The following GLIPR1 variants were observed in gnomAD, a reference collection of about 807,000 sequenced individuals.
GLIPR1 encodes the protein GLI pathogenesis related 1, also known as glioma pathogenesis-related protein 1.
GLIPR1 carries 38 observed loss-of-function variants against 30.3 expected under a neutral mutation model. The ratio of observed to expected loss-of-function variants is 1.26; its 90% CI spans 0.97 to 1.65. The LOEUF is 1.65. Among genes scored for constraint, GLIPR1 ranks in the 40% most tolerant of loss-of-function variants. GLIPR1 has a pLI of 0.00. For synonymous variants in GLIPR1, 122 were observed against 110.6 expected (o/e 1.10, Z -0.65); for missense variants, 285 against 326.5 (o/e 0.87, Z 0.98).
At chr12:75,488,364 C>A (rs902511171) in intron 2 of GLIPR1, among the ~76,000 whole-genome samples, 1 of 151,962 alleles carries the variant, frequency 6.6e-6, no homozygotes, top group Admixed American at 6.6e-5. Flanking sequence ...ATAGTGAAAC[C>A]CCATCTCTAC....
chr12:75,490,729 T>C (rs1360693905), intron 3 of GLIPR1: 2 of 360,792 alleles, frequency 5.5e-6, no homozygotes. Flanking sequence ...AGAGAGAGGG[T>C]GTGTGTGTGT....
In GLIPR1 at chr12:75,500,075, T is replaced by C. The variant is rs1273100487; in HGVS notation, c.*1097T>C. 1.4e-6 allele frequency: 1 copy of C among 695,038 alleles called. No homozygotes were observed. The highest frequency in any genetic ancestry group is 2.2e-6 in the Non-Finnish European group (1 of 444,860). The allele number at this position is 695,038 out of a possible 1,614,324, so 43.1% of individuals were successfully genotyped here. On this transcript the variant is annotated 3_prime_UTR_variant, in exon 6 of 6. Coordinates refer to ENST00000266659, the MANE Select transcript of GLIPR1 (RefSeq NM_006851.3). ...ACTTCAGAGTATTCTTATAATTGAA[T>C]AATTGAAAGGTGATCACAGTATAAA... is the stretch of plus-strand genomic sequence containing the variant.
At chr12:75,488,472 G>T (rs1418652848) in intron 2 of GLIPR1, among the ~76,000 whole-genome samples, 1 of 152,124 alleles carries the variant, frequency 6.6e-6, no homozygotes, top group Non-Finnish European at 1.5e-5. Context: ...GGGAGGCGGA[G>T]GTTGCAATAA....
chr12:75,480,938 C>T lies in GLIPR1; in HGVS notation c.58C>T (p.His20Tyr). ...WMVSFVSNYS[H>Y]TANILPDIEN... is the part of the protein sequence containing the mutation. The stretch of plus-strand genomic sequence containing the variant: ...GGTTTCTTTTGTCTCCAATTATTCA[C>T]ACACAGCAAATATTTTGCCAGATAT... The change falls in exon 1 of 6, where the codon CAC becomes TAC. Residue 20 changes from histidine to tyrosine, a missense_variant. His to Tyr is a moderately conservative substitution (Grantham distance 83). Coordinates refer to ENST00000266659, the MANE Select transcript of GLIPR1 (RefSeq NM_006851.3). 2 of 1,613,654 alleles carry T rather than the reference C, an allele frequency of 1.2e-6. No individual in the cohort carries two copies. The highest frequency in any genetic ancestry group is 2.2e-5 in the East Asian group (1 of 44,858).
intron 3 of GLIPR1, chr12:75,493,912 T>C (rs886293705): frequency 2.6e-5 from 4 of 152,192 alleles, no homozygotes; most frequent in African/African-American, 9.6e-5. Context: ...CCTTTACAGT[T>C]TGGAATGCAC....
rs75628474 is a variant in GLIPR1, at chr12:75,482,114, T to C, written c.420+35T>C. ...TGCCCTATATTATCTTGAAACTGTCTTTTCAAGTATGAGGAGAAAAATTGT... is the reference window on the plus strand; with the variant it reads ...TGCCCTATATTATCTTGAAACTGTCCTTTCAAGTATGAGGAGAAAAATTGT... On this transcript the variant is annotated intron_variant, in intron 2 of 5. Transcript: ENST00000266659. The C allele has an allele frequency of 4.7e-3, 7,456 of 1,585,002 alleles. 22 individuals carry two copies. Among genetic ancestry groups the C allele is most frequent in the Middle Eastern group, 7.6e-3 (45 of 5,948 alleles).
chr12:75,494,410 TA>T (rs2046338958), intron 3 of GLIPR1: 1 of 152,208 alleles, frequency 6.6e-6, no homozygotes. Flanking sequence ...AAATATCAGA[TA>T]TTTTCATACC....
chr12:75,481,009 G>C lies in GLIPR1; in HGVS notation c.129G>C (p.Lys43Asn). Reference sequence around the variant, plus strand: ...AAGACTGCGTTCGAATCCATAACAAGTTCCGATCAGAGGTGAAACCAACAG... The same window carrying C: ...AAGACTGCGTTCGAATCCATAACAACTTCCGATCAGAGGTGAAACCAACAG... ...FIKDCVRIHN[K>N]FRSEVKPTAS... Residue 43 changes from lysine (K) to asparagine (N), a missense_variant, in exon 1 of 6, where the codon AAG becomes AAC. Physicochemically the swap from Lys to Asn is moderately conservative, Grantham distance 94. Coordinates refer to ENST00000266659, the MANE Select transcript of GLIPR1 (RefSeq NM_006851.3). 6.2e-7 allele frequency: 1 copy of C among 1,613,894 alleles called. No homozygotes were observed. Among genetic ancestry groups the C allele is most frequent in the Non-Finnish European group, 8.5e-7 (1 of 1,179,812 alleles).
Position 75,502,789 on chromosome 12 carries a change from TAAGTC to T in GLIPR1, c.*3814_*3818del, listed in dbSNP as rs1319681364. The T allele has an allele frequency of 6.6e-6, 1 of 151,986 alleles. No homozygotes were observed. Among genetic ancestry groups the T allele is most frequent in the Admixed American group, 6.6e-5 (1 of 15,218 alleles). 9.4% of individuals were successfully genotyped at this position (151,986 alleles called of 1,614,324 possible). On this transcript the variant is annotated 3_prime_UTR_variant, in exon 6 of 6. Transcript: ENST00000266659. ...AGCTTACACAGCTACAGAAGAAAGATAAGTCAATTACTACAAGAAAGGGCCATAAG... is the reference window on the plus strand; with the variant it reads ...AGCTTACACAGCTACAGAAGAAAGATAATTACTACAAGAAAGGGCCATAAG...
chr12:75,490,155 C>T (rs1361836271), intron 2 of GLIPR1, among the ~76,000 whole-genome samples: 1 of 147,526 alleles, frequency 6.8e-6, no homozygotes, highest in African/African-American at 2.5e-5. Context: ...ATTGCATTAC[C>T]GTTTTATTTC....
intron 4 of GLIPR1, chr12:75,496,540 G>C (rs2046352631): frequency 6.6e-6 from 1 of 151,242 alleles, no homozygotes; most frequent in Admixed American, 6.6e-5. Flanking sequence ...TCTTGTTCTT[G>C]TTCTAGACAC....
At chr12:75,482,659 C>T (rs2046276586) in intron 2 of GLIPR1, among the ~76,000 whole-genome samples, 1 of 151,914 alleles carries the variant, frequency 6.6e-6, no homozygotes, top group South Asian at 2.1e-4. Context: ...GGGTATTCTG[C>T]CCCCAGAATC....
chr12:75,498,542 CA>C (rs2046366190), intron 4 of GLIPR1, 151 bp from the exon 5 acceptor site: 6 of 603,072 alleles, frequency 9.9e-6, no homozygotes, highest in African/African-American at 1.9e-5. Context: ...TCAGTCAGTT[CA>C]AAAAGTTTTG....
chr12:75,490,354 C>A, intron 2 of GLIPR1, 52 bp from the exon 3 acceptor site: 1 of 991,420 alleles, frequency 1.0e-6, no homozygotes, highest in Non-Finnish European at 1.6e-6. Flanking sequence ...CTAATCATAC[C>A]CAATGTTTAT....
intron 3 of GLIPR1, chr12:75,491,904 T>A (rs1435579968): frequency 1.3e-5 from 2 of 152,138 alleles, no homozygotes; most frequent in African/African-American, 4.8e-5. Flanking sequence ...GAAAGCCATT[T>A]CCCTGGTGTA....
chr12:75,500,333 A>ACC lies in GLIPR1; in HGVS notation c.*1355_*1356insCC, dbSNP rs2046383256. The ACC allele has an allele frequency of 6.5e-6, 1 of 154,126 alleles. No homozygotes were observed. Among genetic ancestry groups the ACC allele is most frequent in the Non-Finnish European group, 1.4e-5 (1 of 69,570 alleles). 9.5% of individuals were successfully genotyped at this position (154,126 alleles called of 1,614,324 possible). The stretch of plus-strand genomic sequence containing the variant: ...TGGAACTTCTGAGTCATTATTTTCC[A>ACC]TCTTGCACATTAAAATAATTTAAAA... On this transcript the variant is annotated 3_prime_UTR_variant, in exon 6 of 6. Coordinates refer to ENST00000266659, the MANE Select transcript of GLIPR1 (RefSeq NM_006851.3).
At chr12:75,488,110 C>A (rs1294628001) in intron 2 of GLIPR1, among the ~76,000 whole-genome samples, 1 of 152,152 alleles carries the variant, frequency 6.6e-6, no homozygotes, top group Non-Finnish European at 1.5e-5. Context: ...CTTACTGCAA[C>A]CTGTTTTATC....
intron 2 of GLIPR1, chr12:75,483,911 TC>T (rs2046282376): frequency 6.6e-6 from 1 of 152,074 alleles, no homozygotes; most frequent in South Asian, 2.1e-4. Flanking sequence ...GACAACAGAC[TC>T]CTAAACCATG....
At chr12:75,492,626 T>C (rs2046329763) in intron 3 of GLIPR1, 1 of 152,204 alleles carries the variant, frequency 6.6e-6, no homozygotes, top group Non-Finnish European at 1.5e-5. Flanking sequence ...ATTTTCCTGG[T>C]TTAGACTCAC....
Sources: allele counts gnomAD v4.1 joint callset (sites outside exome capture counted in the v4.1 genomes callset), GRCh38; gene constraint gnomAD v4.1.1; transcripts MANE v1.5; gene names NCBI Gene and HGNC (gene_info 2026-07-23, HGNC 2026-07-21).